Variants in PLEKHA6 observed in about 807,000 individuals in gnomAD.
PLEKHA6 encodes the protein pleckstrin homology domain-containing family A member 6.
In PLEKHA6, 60 loss-of-function variants were observed where a neutral mutation model predicts 116.7. The observed-to-expected ratio is 0.51, with a 90% CI of 0.42 to 0.64. The LOEUF (loss-of-function observed/expected upper bound fraction) is 0.64. Among genes scored for constraint, PLEKHA6 ranks in the 30% least tolerant of loss-of-function variants. The pLI is 0.00. For missense variants in PLEKHA6, 1,338 were observed against 1,422.7 expected, an observed-to-expected ratio of 0.94 and a Z score of 0.96; for synonymous variants, 489 against 556.1, an observed-to-expected ratio of 0.88 and a Z score of 1.70.
chr1:204,225,958 G>A (rs1660302256), intron 21 of PLEKHA6, among the ~76,000 whole-genome samples: 1 of 152,190 alleles, frequency 6.6e-6, no homozygotes, highest in South Asian at 2.1e-4. Context: ...GCACGCACCG[G>A]GTGGATTTGT....
intron 1 of PLEKHA6, among the ~76,000 whole-genome samples, chr1:204,281,969 C>T (rs143200957): frequency 2.6e-5 from 4 of 152,270 alleles, no homozygotes; most frequent in Non-Finnish European, 5.9e-5. Context: ...GCTCAGCTCC[C>T]ACCACAGGCA....
At chr1:204,360,101 G>A (rs1475601346), upstream of PLEKHA6, among the ~76,000 whole-genome samples, 2 of 152,280 alleles carry the variant, frequency 1.3e-5, no homozygotes, top group Admixed American at 1.3e-4. Context: ...GCCCGGGAGA[G>A]GATGGGGTGG....
chr1:204,375,054 AC>A (rs151324672), intron 1 of PLEKHA6, among the ~76,000 whole-genome samples: 1,591 of 151,320 alleles, frequency 0.011, 21 homozygotes, highest in Non-Finnish European at 0.017. Context: ...GTGGCATTCT[AC>A]CCTGGTCCTG....
At chr1:204,250,396 AT>A in intron 10 of PLEKHA6, 149 bp downstream of exon 10, 1 of 652,914 alleles carries the variant, frequency 1.5e-6, no homozygotes. Context: ...GAAGACATGA[AT>A]CAAAGGTATG....
intron 1 of PLEKHA6, chr1:204,325,979 A>G: frequency 1.2e-6 from 1 of 824,884 alleles, no homozygotes; most frequent in Admixed American, 6.2e-5. Context: ...CCCTCTGCCC[A>G]CAGCAAGCCC....
rs983487564 is a variant in PLEKHA6, at chr1:204,358,789, G to A, written c.-95+905C>T. 5.3e-5 allele frequency among the ~76,000 whole-genome samples: 8 copies of A among 151,844 alleles called. 1 individual carries two copies. Among genetic ancestry groups the A allele is most frequent in the Admixed American group, 2.0e-4 (3 of 15,248 alleles). ...CCGGGGATGGCTCTCCCTCTATCCC[G>A]GTTCTCCATCTCTGCTCTCCCAGGC... On this transcript the variant is annotated intron_variant, in intron 1 of 22. Coordinates refer to ENST00000272203, the MANE Select transcript of PLEKHA6 (RefSeq NM_014935.5).
chr1:204,305,174 C>A (rs1156661416), intron 1 of PLEKHA6, among the ~76,000 whole-genome samples: 1 of 152,118 alleles, frequency 6.6e-6, no homozygotes, highest in Non-Finnish European at 1.5e-5. Flanking sequence ...ATGAGGGGGC[C>A]CAGAGAGGAC....
At chr1:204,279,981 A>G (rs755269565) in intron 1 of PLEKHA6, among the ~76,000 whole-genome samples, 10 of 152,228 alleles carry the variant, frequency 6.6e-5, no homozygotes, top group Non-Finnish European at 1.2e-4. Context: ...ATTAAGATAT[A>G]TGCCAGATGA....
chr1:204,325,152 G>A (rs1203566841), intron 1 of PLEKHA6, among the ~76,000 whole-genome samples: 2 of 152,110 alleles, frequency 1.3e-5, no homozygotes, highest in African/African-American at 4.8e-5. Context: ...TATTTTGATT[G>A]TCTTAGAGCT....
upstream of PLEKHA6, among the ~76,000 whole-genome samples, chr1:204,363,622 C>A (rs1357848768): frequency 6.6e-6 from 1 of 152,098 alleles, no homozygotes; most frequent in Non-Finnish European, 1.5e-5. Flanking sequence ...AGGAGGGAGA[C>A]AAGGGGGCGG....
At chr1:204,332,864 T>C (rs1271593151) in intron 1 of PLEKHA6, among the ~76,000 whole-genome samples, 1 of 152,200 alleles carries the variant, frequency 6.6e-6, no homozygotes, top group Non-Finnish European at 1.5e-5. Flanking sequence ...ATAAAGTCAC[T>C]GTGATTCTTT....
intron 1 of PLEKHA6, chr1:204,311,407 C>T (rs57159858): frequency 0.014 from 2,254 of 155,698 alleles, 67 homozygotes; most frequent in African/African-American, 0.052. Flanking sequence ...AGGAGAATCA[C>T]TTGAACCTGG....
At chr1:204,317,918 A>G (rs11240722) in intron 1 of PLEKHA6, among the ~76,000 whole-genome samples, 111,275 of 152,144 alleles carry the variant, frequency 0.73, 41,197 homozygotes, top group Middle Eastern at 0.8. Context: ...ACCTCATATC[A>G]TTATTGTGAG....
At chr1:204,298,833 A>T (rs1399470000) in intron 1 of PLEKHA6, among the ~76,000 whole-genome samples, 1 of 152,234 alleles carries the variant, frequency 6.6e-6, no homozygotes, top group Non-Finnish European at 1.5e-5. Context: ...AGAGATGGAG[A>T]GAAAAAAGAG....
intron 1 of PLEKHA6, among the ~76,000 whole-genome samples, chr1:204,375,002 T>A (rs928333862): frequency 1.3e-5 from 2 of 152,134 alleles, no homozygotes; most frequent in Admixed American, 6.5e-5. Context: ...GTTGAATTCC[T>A]TCCTTTTTTC....
intron 17 of PLEKHA6, 147 bp from the exon 18 acceptor site, chr1:204,230,733 C>A: frequency 1.6e-6 from 1 of 634,688 alleles, no homozygotes; most frequent in Non-Finnish European, 2.7e-6. Flanking sequence ...CAAGTCCCAA[C>A]CCCAGGTATC....
upstream of PLEKHA6, among the ~76,000 whole-genome samples, chr1:204,360,572 C>T (rs1251615083): frequency 6.6e-6 from 1 of 152,166 alleles, no homozygotes; most frequent in East Asian, 1.9e-4. Flanking sequence ...CATTCCTTTA[C>T]AGATAAGGGC....
At chr1:204,272,083 G>A (rs972788657) in intron 3 of PLEKHA6, among the ~76,000 whole-genome samples, 3 of 151,938 alleles carry the variant, frequency 2.0e-5, no homozygotes, top group East Asian at 1.9e-4. Flanking sequence ...CATGTATCAC[G>A]TATTTTCAAG....
At chr1:204,322,170 T>C (rs1275609001) in intron 1 of PLEKHA6, among the ~76,000 whole-genome samples, 1 of 151,856 alleles carries the variant, frequency 6.6e-6, no homozygotes, top group East Asian at 1.9e-4. Flanking sequence ...TTTCTTAATA[T>C]CAATACAGAG....
Sources: allele counts gnomAD v4.1 joint callset (sites outside exome capture counted in the v4.1 genomes callset), GRCh38; gene constraint gnomAD v4.1.1; transcripts MANE v1.5; gene names NCBI Gene and HGNC (gene_info 2026-07-23, HGNC 2026-07-21).